The following PSMD14 variants were observed in gnomAD, a reference collection of about 807,000 sequenced individuals.
PSMD14 encodes proteasome 26S subunit, non-ATPase 14.
Under a neutral mutation model 41.2 loss-of-function variants are expected in PSMD14, and 7 were observed. The observed-to-expected ratio is 0.17, with a 90% CI of 0.10 to 0.32. The LOEUF is 0.32. Ranked by LOEUF, PSMD14 falls within the 10% of genes least tolerant of loss-of-function variation. The pLI, the probability that PSMD14 is intolerant of heterozygous loss-of-function variation, is 1.00. For missense variants in PSMD14, 139 were observed against 375.6 expected (o/e 0.37, Z 5.21); for synonymous variants, 114 against 122.3 (o/e 0.93, Z 0.45).
At chr2:161,347,508 G>A (rs939198894) in intron 3 of PSMD14, among the ~76,000 whole-genome samples, 7 of 152,130 alleles carry the variant, frequency 4.6e-5, no homozygotes, top group Non-Finnish European at 5.9e-5. Context: ...CTACTCAGAC[G>A]TTAGATCATA....
chr2:161,376,877 A>G (rs1158403359), intron 7 of PSMD14, among the ~76,000 whole-genome samples: 1 of 151,964 alleles, frequency 6.6e-6, no homozygotes, highest in Non-Finnish European at 1.5e-5. Context: ...ATGAATTTGC[A>G]TCAGTGTTCA....
chr2:161,362,028 C>T (rs531108646), intron 3 of PSMD14, among the ~76,000 whole-genome samples: 39 of 151,808 alleles, frequency 2.6e-4, no homozygotes, highest in African/African-American at 9.4e-4. Flanking sequence ...GTTTTTCTTC[C>T]CCAGTGACTT....
In PSMD14 at chr2:161,326,267, T is replaced by A. The variant is rs375652746; in HGVS notation, c.48+7394T>A. ...GCTGGTCTCGAACTTCTGACCTCAA[T>A]TGATCCGCCCACCTCGGCCTCCGAA... On this transcript the variant is annotated intron_variant, in intron 3 of 11. Transcript: ENST00000409682. 4.4e-4 allele frequency among the ~76,000 whole-genome samples: 67 copies of A among 152,090 alleles called. 3 individuals are homozygous for A. The South Asian group carries it at 5.8e-3, about 13-fold the overall frequency.
rs556240978 is a variant in PSMD14, at chr2:161,333,493, G to T, written c.48+14620G>T. ...ACCTACCAACTCACTATGAAAGGCA[G>T]TATATATTGGGCAGTGGTAAAAACC... is the stretch of plus-strand genomic sequence containing the variant. On this transcript the variant is annotated intron_variant, in intron 3 of 11. Coordinates refer to ENST00000409682, the MANE Select transcript of PSMD14 (RefSeq NM_005805.6). Among the ~76,000 whole-genome samples the T allele has an allele frequency of 1.3e-4, 20 of 152,336 alleles. No homozygotes were observed. The South Asian group carries it at 4.1e-3, about 32-fold the overall frequency.
chr2:161,392,787 T>A (rs1683730452), intron 9 of PSMD14, among the ~76,000 whole-genome samples: 1 of 152,128 alleles, frequency 6.6e-6, no homozygotes, highest in African/African-American at 2.4e-5. Flanking sequence ...ACACTTATTT[T>A]TAAGTTTACA....
intron 3 of PSMD14, among the ~76,000 whole-genome samples, chr2:161,352,541 C>T (rs1683134320): frequency 6.6e-6 from 1 of 152,104 alleles, no homozygotes; most frequent in South Asian, 2.1e-4. Context: ...TTTCTGTCTC[C>T]TATATTACAT....
chr2:161,345,024 T>C (rs1013794604), intron 3 of PSMD14, among the ~76,000 whole-genome samples: 1 of 152,170 alleles, frequency 6.6e-6, no homozygotes, highest in Non-Finnish European at 1.5e-5. Context: ...TTATCTCTTA[T>C]ATTGAGTTCC....
chr2:161,353,123 A>G (rs1683143040), intron 3 of PSMD14, among the ~76,000 whole-genome samples: 1 of 152,252 alleles, frequency 6.6e-6, no homozygotes, highest in African/African-American at 2.4e-5. Flanking sequence ...TGTAAAATTT[A>G]TACAAATTCT....
chr2:161,379,120 C>G (rs940602468), intron 7 of PSMD14, among the ~76,000 whole-genome samples: 4 of 152,036 alleles, frequency 2.6e-5, no homozygotes, highest in East Asian at 1.9e-4. Flanking sequence ...TATTGCTTTG[C>G]TTTATATGGA....
chr2:161,312,387 G>GC (rs1170983615), intron 1 of PSMD14, among the ~76,000 whole-genome samples: 1 of 151,870 alleles, frequency 6.6e-6, no homozygotes, highest in African/African-American at 2.4e-5. Context: ...CAAGTGATCT[G>GC]CCCCCCTCGG....
At chr2:161,364,397 T>G (rs1683330966) in intron 3 of PSMD14, among the ~76,000 whole-genome samples, 1 of 152,142 alleles carries the variant, frequency 6.6e-6, no homozygotes, top group South Asian at 2.1e-4. Context: ...CAGGGTGGTC[T>G]TGGAAATGCA....
chr2:161,336,609 T>C (rs1156903230), intron 3 of PSMD14, among the ~76,000 whole-genome samples: 2 of 152,214 alleles, frequency 1.3e-5, no homozygotes, highest in African/African-American at 4.8e-5. Context: ...GGAATCTTGC[T>C]CTGTTGCCCA....
rs1305487315 is a variant in PSMD14, at chr2:161,341,838, C to CA, written c.48+22981dup. Among the ~76,000 whole-genome samples the CA allele has an allele frequency of 8.0e-3, 554 of 69,480 alleles. 2 individuals carry two copies. Among genetic ancestry groups the CA allele is most frequent in the African/African-American group, 0.017 (310 of 18,258 alleles). 45.6% of individuals were successfully genotyped at this position (69,480 alleles called of 152,430 possible). ...GGGAGACAGAACAAGTCTCCTTCTC[C>CA]AAAAAAAAAAAAAAAATTAAAATTA... is the stretch of plus-strand genomic sequence containing the variant. On this transcript the variant is annotated intron_variant, in intron 3 of 11. Transcript: ENST00000409682.
chr2:161,344,248 A>G (rs1021040676), intron 3 of PSMD14, among the ~76,000 whole-genome samples: 1 of 152,184 alleles, frequency 6.6e-6, no homozygotes, highest in Non-Finnish European at 1.5e-5. Flanking sequence ...ACAAATTACC[A>G]TAGATTGAGT....
rs555411232 is a variant in PSMD14 at position 161,341,023 on chromosome 2, G to T, written c.48+22150G>T. ...ACCGCCTGCTCCTCCGCCTCCGCTGGCGCCGCCGCGGGATCCCCTGGCCCT... is the reference window on the plus strand; with the variant it reads ...ACCGCCTGCTCCTCCGCCTCCGCTGTCGCCGCCGCGGGATCCCCTGGCCCT... On this transcript the variant is annotated intron_variant, in intron 3 of 11. Coordinates refer to ENST00000409682, the MANE Select transcript of PSMD14 (RefSeq NM_005805.6). 4.5e-5 allele frequency: 73 copies of T among 1,608,268 alleles called. No homozygotes were observed. In the East Asian group the frequency reaches 1.4e-3, roughly 31 times the overall value.
At chr2:161,318,961 A>G in intron 3 of PSMD14, 88 bp downstream of exon 3, 1 of 995,794 alleles carries the variant, frequency 1.0e-6, no homozygotes, top group South Asian at 1.5e-5. Context: ...TATCCCCAAG[A>G]AAATCACCTA....
chr2:161,397,354 C>G lies in PSMD14; in HGVS notation c.771+2151C>G, dbSNP rs1045305875. Among the ~76,000 whole-genome samples the G allele has an allele frequency of 2.0e-5, 3 of 151,902 alleles. No individual in the cohort carries two copies. In the East Asian group the frequency reaches 5.8e-4, roughly 29 times the overall value. On this transcript the variant is annotated intron_variant, in intron 10 of 11. Transcript: ENST00000409682. Reference sequence around the variant, plus strand: ...CAAATAAATAAAGCATGGCACTGGTCGGATAGACGAAGTGAAAGAAGGAGG... The same window carrying G: ...CAAATAAATAAAGCATGGCACTGGTGGGATAGACGAAGTGAAAGAAGGAGG...
intron 3 of PSMD14, chr2:161,340,797 C>T: frequency 5.0e-6 from 8 of 1,613,568 alleles, no homozygotes; most frequent in Non-Finnish European, 6.8e-6. Context: ...TTTAGGAGGA[C>T]GCTAAGGATA....
intron 3 of PSMD14, among the ~76,000 whole-genome samples, chr2:161,345,398 A>G (rs904450884): frequency 6.6e-6 from 1 of 151,666 alleles, no homozygotes; most frequent in Non-Finnish European, 1.5e-5. Flanking sequence ...GCATGCCACT[A>G]TGCCCGGCTA....
Sources: gnomAD v4.1 joint callset for allele counts (sites outside exome capture counted in the v4.1 genomes callset) on GRCh38, gnomAD v4.1.1 for gene constraint, MANE v1.5 for transcripts, NCBI Gene and HGNC (gene_info 2026-07-23, HGNC 2026-07-21) for gene names.